The following TRMT9B variants were observed in gnomAD, a reference collection of about 807,000 sequenced individuals.
The protein encoded by TRMT9B is probable tRNA methyltransferase 9B.
In TRMT9B, 16 loss-of-function variants were observed where a neutral mutation model predicts 11.5. The observed-to-expected ratio is 1.39, with a 90% confidence interval of 0.94 to 2.11. TRMT9B has a LOEUF of 2.11. Among genes scored for constraint, TRMT9B ranks in the 30% most tolerant of loss-of-function variants. TRMT9B has a pLI of 0.00. For missense variants in TRMT9B, 941 were observed against 553.8 expected (o/e 1.70, Z -7.02); for synonymous variants, 274 against 192.4 (o/e 1.42, Z -3.51).
At chr8:12,964,706 C>T (rs1020541064) in intron 1 of TRMT9B, among the ~76,000 whole-genome samples, 1 of 152,094 alleles carries the variant, frequency 6.6e-6, no homozygotes. Flanking sequence ...TCCTGAGTAA[C>T]TTGGACTATA....
At chr8:12,975,788 A>T (rs1804354430) in intron 1 of TRMT9B, among the ~76,000 whole-genome samples, 1 of 152,092 alleles carries the variant, frequency 6.6e-6, no homozygotes, top group Non-Finnish European at 1.5e-5. Flanking sequence ...GCTTCTAGCT[A>T]TTTGGGGGCA....
intron 1 of TRMT9B, among the ~76,000 whole-genome samples, chr8:12,954,226 G>C (rs919403096): frequency 6.6e-6 from 1 of 152,278 alleles, no homozygotes; most frequent in Middle Eastern, 3.4e-3. Context: ...GAGATTGCAG[G>C]GGTTGTAAAG....
chr8:12,978,436 G>A (rs1323511353), intron 1 of TRMT9B, among the ~76,000 whole-genome samples: 1 of 151,918 alleles, frequency 6.6e-6, no homozygotes, highest in Non-Finnish European at 1.5e-5. Context: ...CAACTGTCTT[G>A]GTACATTTGT....
chr8:12,985,140 G>C lies in TRMT9B; in HGVS notation c.-199-5694G>C, dbSNP rs150672727. ...AACAAAGTGCTCTCAGGGAGTATTT[G>C]ATCTCTTTCCGCTAAGATAAACGCC... is the stretch of plus-strand genomic sequence containing the variant. On this transcript the variant is annotated intron_variant, in intron 1 of 4. Coordinates refer to ENST00000524591, the MANE Select transcript of TRMT9B (RefSeq NM_020844.3). Among the ~76,000 whole-genome samples the C allele has an allele frequency of 4.6e-3, 699 of 152,256 alleles. 5 individuals are homozygous for C. Among genetic ancestry groups the C allele is most frequent in the African/African-American group, 0.015 (611 of 41,546 alleles).
intron 1 of TRMT9B, among the ~76,000 whole-genome samples, chr8:12,959,516 CTTTTTTTT>C (rs61536433): frequency 1.1e-4 from 8 of 74,934 alleles, no homozygotes; most frequent in Non-Finnish European, 1.4e-4. Flanking sequence ...TTTTTCCTTC[CTTTTTTTT>C]TTTTTTTTTT....
intron 1 of TRMT9B, among the ~76,000 whole-genome samples, chr8:12,983,827 G>C (rs1396546250): frequency 6.6e-6 from 1 of 152,106 alleles, no homozygotes; most frequent in Non-Finnish European, 1.5e-5. Context: ...CATTGCAGAT[G>C]GAGACAGAAA....
intron 1 of TRMT9B, among the ~76,000 whole-genome samples, chr8:12,962,373 A>T (rs1802239514): frequency 1.3e-5 from 2 of 152,204 alleles, no homozygotes; most frequent in Admixed American, 1.3e-4. Flanking sequence ...CTCTTGTCTG[A>T]TAGTTTGTCT....
At chr8:13,005,536 T>C (rs34862000) in intron 2 of TRMT9B, among the ~76,000 whole-genome samples, 7,509 of 152,264 alleles carry the variant, frequency 0.049, 229 homozygotes, top group South Asian at 0.091. Flanking sequence ...AAACATCTCA[T>C]GTACTCCGTA....
chr8:13,012,471 A>T (rs952274558), intron 3 of TRMT9B: 4 of 560,632 alleles, frequency 7.1e-6, no homozygotes, highest in Non-Finnish European at 1.0e-5. Context: ...CCTACTCGGG[A>T]GGCTAAGGCA....
At chr8:12,997,507 G>A (rs532149809) in intron 2 of TRMT9B, among the ~76,000 whole-genome samples, 1 of 152,248 alleles carries the variant, frequency 6.6e-6, no homozygotes, top group African/African-American at 2.4e-5. Context: ...AGGCTCAGGA[G>A]TTCCTTTACA....
At chr8:12,964,628 G>A (rs2128864829) in intron 1 of TRMT9B, among the ~76,000 whole-genome samples, 1 of 152,306 alleles carries the variant, frequency 6.6e-6, no homozygotes, top group African/African-American at 2.4e-5. Context: ...AGGCTGGAGT[G>A]CAGTGGCACA....
intron 1 of TRMT9B, among the ~76,000 whole-genome samples, chr8:12,972,231 G>C (rs1215136010): frequency 6.6e-6 from 1 of 152,164 alleles, no homozygotes; most frequent in Non-Finnish European, 1.5e-5. Flanking sequence ...AGAAGAAAAT[G>C]AGCTTCTCAG....
chr8:12,990,009 G>T (rs1195701475), intron 1 of TRMT9B, among the ~76,000 whole-genome samples: 5 of 152,196 alleles, frequency 3.3e-5, no homozygotes, highest in Non-Finnish European at 7.3e-5. Flanking sequence ...CTAGGGTTGG[G>T]CTGGTGTAGG....
chr8:12,953,022 G>A (rs1800835919), intron 1 of TRMT9B, among the ~76,000 whole-genome samples: 1 of 152,124 alleles, frequency 6.6e-6, no homozygotes, highest in Non-Finnish European at 1.5e-5. Flanking sequence ...ACAGGCGTGA[G>A]CCACCGGGCC....
intron 2 of TRMT9B, among the ~76,000 whole-genome samples, chr8:12,994,783 G>C (rs1808039996): frequency 6.6e-6 from 1 of 152,196 alleles, no homozygotes; most frequent in Admixed American, 6.5e-5. Flanking sequence ...TCGGGTTCAA[G>C]CAATTCTCCT....
intron 1 of TRMT9B, among the ~76,000 whole-genome samples, chr8:12,949,824 C>T (rs565878274): frequency 2.0e-4 from 30 of 152,228 alleles, no homozygotes; most frequent in African/African-American, 7.0e-4. Context: ...ATCAAATATA[C>T]TTTCTCACTT....
At chr8:13,009,272 G>T (rs900399335) in intron 3 of TRMT9B, among the ~76,000 whole-genome samples, 4 of 151,978 alleles carry the variant, frequency 2.6e-5, no homozygotes, top group African/African-American at 4.8e-5. Context: ...TGGGGTAGGT[G>T]TAGGAAATGG....
chr8:12,960,871 G>A (rs1315521349), intron 1 of TRMT9B, among the ~76,000 whole-genome samples: 6 of 152,138 alleles, frequency 3.9e-5, no homozygotes, highest in Admixed American at 6.5e-5. Context: ...GGCTGGGCGC[G>A]GTGGCTCACA....
At chr8:13,008,182 T>C (rs1328574728) in intron 3 of TRMT9B, among the ~76,000 whole-genome samples, 4 of 152,232 alleles carry the variant, frequency 2.6e-5, no homozygotes, top group Non-Finnish European at 5.9e-5. Flanking sequence ...TTCATAAACA[T>C]TGGGCTCACG....
Sources: allele counts gnomAD v4.1 joint callset (sites outside exome capture counted in the v4.1 genomes callset), GRCh38; gene constraint gnomAD v4.1.1; transcripts MANE v1.5; gene names NCBI Gene and HGNC (gene_info 2026-07-23, HGNC 2026-07-21).